SAP30L: variants seen among roughly 807,000 people sequenced by gnomAD.
SAP30L encodes SAP30 like.
SAP30L carries 10 observed loss-of-function variants against 22.3 expected under a neutral mutation model. That is an observed-to-expected ratio of 0.45 (90% CI 0.28 to 0.76). The LOEUF (loss-of-function observed/expected upper bound fraction) is 0.76, where lower values mean the gene tolerates loss of function less well. Ranked by LOEUF, SAP30L falls within the 30% of genes least tolerant of loss-of-function variation. The pLI, the probability that SAP30L is intolerant of heterozygous loss-of-function variation, is 0.14. For missense variants in SAP30L, 206 were observed against 237.9 expected (o/e 0.87, Z 0.88); for synonymous variants, 91 against 94.1 (o/e 0.97, Z 0.19).
At position 154,451,883 on chromosome 5, in the gene SAP30L, C is replaced by T. The variant is rs139731627; in HGVS notation, c.324+670C>T. On this transcript the variant is annotated intron_variant, in intron 2 of 3. Coordinates refer to ENST00000297109, the MANE Select transcript of SAP30L (RefSeq NM_024632.6). The stretch of plus-strand genomic sequence containing the variant: ...CCACCCTGAGTCATGACAATCAAAA[C>T]GTGTCTCCAGACATTGCCACACCTC... Among the ~76,000 whole-genome samples the T allele has an allele frequency of 1.9e-3, 293 of 152,276 alleles. 3 individuals are homozygous for T. The highest frequency in any genetic ancestry group is 6.5e-3 in the African/African-American group (270 of 41,538).
rs1483514236 is a variant in SAP30L at position 154,460,556 on chromosome 5, A to T, written c.*4528A>T. 1 of 152,236 alleles carries T rather than the reference A, an allele frequency of 6.6e-6. No individual in the cohort carries two copies. Among genetic ancestry groups the T allele is most frequent in the Non-Finnish European group, 1.5e-5 (1 of 68,048 alleles). The allele number at this position is 152,236 out of a possible 1,614,324, so 9.4% of individuals were successfully genotyped here. A position where few individuals can be genotyped will look rare whatever the true frequency, so the allele number is the denominator to read the frequency against. On this transcript the variant is annotated 3_prime_UTR_variant, in exon 4 of 4. Coordinates refer to ENST00000297109, the MANE Select transcript of SAP30L (RefSeq NM_024632.6). Reference sequence around the variant, plus strand: ...TCCAAGTTTATGGTTAGAAATGGTAAAGTGGGTCTGGTGTTTTGAGGTAGA... The same window carrying T: ...TCCAAGTTTATGGTTAGAAATGGTATAGTGGGTCTGGTGTTTTGAGGTAGA...
rs969442856 is a variant in SAP30L, at chr5:154,458,538, C to T, written c.*2510C>T. On this transcript the variant is annotated 3_prime_UTR_variant, in exon 4 of 4. Coordinates refer to ENST00000297109, the MANE Select transcript of SAP30L (RefSeq NM_024632.6). ...CTTGGCTGCTCCATTTTTATACCAT[C>T]CATCAAGGACTCTTGCGCTTCTCTC... 6.6e-6 allele frequency: 1 copy of T among 152,148 alleles called. No homozygotes were observed. The highest frequency in any genetic ancestry group is 2.4e-5 in the African/African-American group (1 of 41,420). 9.4% of individuals were successfully genotyped at this position (152,148 alleles called of 1,614,324 possible). A position where few individuals can be genotyped will look rare whatever the true frequency, so the allele number is the denominator to read the frequency against.
chr5:154,453,336 T>C (rs1245550984), intron 2 of SAP30L, 66 bp from the exon 3 acceptor site: 13 of 1,087,422 alleles, frequency 1.2e-5, no homozygotes, highest in Non-Finnish European at 1.7e-5. Flanking sequence ...GCTAGGCACA[T>C]AGTGGGCTCT....
chr5:154,453,668 G>T (rs913519234), intron 3 of SAP30L, among the ~76,000 whole-genome samples, 168 bp downstream of exon 3: 1 of 152,156 alleles, frequency 6.6e-6, no homozygotes, highest in African/African-American at 2.4e-5. Context: ...CTTTAGACCT[G>T]CAAAGGCCTC....
intron 1 of SAP30L, among the ~76,000 whole-genome samples, chr5:154,450,867 C>T (rs954301330): frequency 2.0e-5 from 3 of 152,162 alleles, no homozygotes; most frequent in Non-Finnish European, 4.4e-5. Context: ...CTGTCTTCAC[C>T]ATTCACTGGA....
rs1757329920 is a variant in SAP30L, at chr5:154,459,418, A to G, written c.*3390A>G. On this transcript the variant is annotated 3_prime_UTR_variant, in exon 4 of 4. Transcript: ENST00000297109. ...CTATGTTCTCTGTAATTTCCATCTT[A>G]GTCTCTGCCCCATGGGGGCCACATG... The G allele has an allele frequency of 6.6e-6, 1 of 152,242 alleles. No individual in the cohort carries two copies. Among genetic ancestry groups the G allele is most frequent in the African/African-American group, 2.4e-5 (1 of 41,454 alleles). The allele number at this position is 152,242 out of a possible 1,614,324, so 9.4% of individuals were successfully genotyped here. A position where few individuals can be genotyped will look rare whatever the true frequency, so the allele number is the denominator to read the frequency against.
At chr5:154,453,290 A>G in intron 2 of SAP30L, 112 bp from the exon 3 acceptor site, 1 of 721,286 alleles carries the variant, frequency 1.4e-6, no homozygotes, top group South Asian at 1.8e-5. Flanking sequence ...ACCTCTTTTG[A>G]AGCCCTCCCC....
chr5:154,446,464 G>T lies in SAP30L; in HGVS notation c.-141G>T, dbSNP rs954748947. On this transcript the variant is annotated 5_prime_UTR_variant, in exon 1 of 4. Coordinates refer to ENST00000297109, the MANE Select transcript of SAP30L (RefSeq NM_024632.6). Reference sequence around the variant, plus strand: ...CGAGGGAGCCGGGCCTCTCGGACGCGGGGCAGGGCAGCGCCCGGGCTGGAG... The same window carrying T: ...CGAGGGAGCCGGGCCTCTCGGACGCTGGGCAGGGCAGCGCCCGGGCTGGAG... 2.2e-5 allele frequency: 14 copies of T among 628,954 alleles called. No homozygotes were observed. Among genetic ancestry groups the T allele is most frequent in the Middle Eastern group, 4.7e-4 (1 of 2,122 alleles). 39.0% of individuals were successfully genotyped at this position (628,954 alleles called of 1,614,324 possible).
At chr5:154,453,849 C>A (rs1757205593) in intron 3 of SAP30L, among the ~76,000 whole-genome samples, 1 of 152,108 alleles carries the variant, frequency 6.6e-6, no homozygotes, top group Non-Finnish European at 1.5e-5. Flanking sequence ...TTTTTGGAGA[C>A]AAGATTTTGC....
At chr5:154,451,050 A>G (rs766843284) in intron 1 of SAP30L, 41 bp from the exon 2 acceptor site, 26 of 1,612,722 alleles carry the variant, frequency 1.6e-5, no homozygotes, top group Non-Finnish European at 2.0e-5. Context: ...GCTGTCTCCA[A>G]GGAATTGGCC....
chr5:154,449,620 A>AG, intron 1 of SAP30L, among the ~76,000 whole-genome samples: 1 of 152,196 alleles, frequency 6.6e-6, no homozygotes, highest in Non-Finnish European at 1.5e-5. Context: ...GCTTCCTCTC[A>AG]GGGATGCAGA....
chr5:154,446,699 T>C lies in SAP30L; in HGVS notation c.95T>C (p.Ile32Thr), dbSNP rs767260698. The change falls in exon 1 of 4, where the codon ATC becomes ACC. Residue 32 changes from isoleucine to threonine, a missense_variant. This residue lies in a region of SAP30L where 70 missense variants were observed against 50.5 expected (regional missense o/e 1.39). Transcript: ENST00000297109. The stretch of plus-strand genomic sequence containing the variant: ...GGCTACGGCCAGAGCTGCTGCCTCA[T>C]CGAGGACGGCGAGCGCTGCGTCCGG... ...APGYGQSCCL[I>T]EDGERCVRPA... 14 of 1,594,578 alleles carry C rather than the reference T, an allele frequency of 8.8e-6. No individual in the cohort carries two copies. Among genetic ancestry groups the C allele is most frequent in the Non-Finnish European group, 1.2e-5 (14 of 1,173,544 alleles).
At chr5:154,448,635 T>A (rs1757075699) in intron 1 of SAP30L, among the ~76,000 whole-genome samples, 1 of 152,238 alleles carries the variant, frequency 6.6e-6, no homozygotes, top group Non-Finnish European at 1.5e-5. Context: ...TCCTTTTAGA[T>A]CACTGGATGC....
rs76319463 is a variant in SAP30L, at chr5:154,452,767, C to T, written c.325-635C>T. Among the ~76,000 whole-genome samples the T allele has an allele frequency of 3.9e-3, 572 of 148,004 alleles. 14 individuals carry two copies. The East Asian group carries it at 0.06, about 16-fold the overall frequency. ...CAGCCCTCCTTTGTGCTCCTCTATC[C>T]GGTCGCTGCCTCGTTCTGGCCTATC... On this transcript the variant is annotated intron_variant, in intron 2 of 3. Coordinates refer to ENST00000297109, the MANE Select transcript of SAP30L (RefSeq NM_024632.6).
In SAP30L at chr5:154,446,401, G is replaced by T. The variant is rs1469294639; in HGVS notation, c.-204G>T. The T allele has an allele frequency of 2.4e-5, 10 of 418,020 alleles. No homozygotes were observed. The highest frequency in any genetic ancestry group is 1.9e-4 in the African/African-American group (9 of 48,392). 25.9% of individuals were successfully genotyped at this position (418,020 alleles called of 1,614,324 possible). ...GGAGCCGACCCCGGGGCCTCGAGCC[G>T]GGAGGAAGGGGGCTTCCGGAGGCGG... On this transcript the variant is annotated 5_prime_UTR_variant, in exon 1 of 4. Coordinates refer to ENST00000297109, the MANE Select transcript of SAP30L (RefSeq NM_024632.6).
intron 1 of SAP30L, among the ~76,000 whole-genome samples, chr5:154,450,396 A>G (rs753249701): frequency 3.9e-5 from 6 of 152,240 alleles, no homozygotes; most frequent in Non-Finnish European, 7.3e-5. Context: ...AAGAGTTATT[A>G]TCCTACAATA....
In SAP30L at chr5:154,458,125, C is replaced by G. The variant is rs893165410; in HGVS notation, c.*2097C>G. On this transcript the variant is annotated 3_prime_UTR_variant, in exon 4 of 4. Transcript: ENST00000297109. ...GTAGGATCCATCTGTTCAATTGTGTCTGAAAGAATCTTTATTCCAAAGCGA... is the reference window on the plus strand; with the variant it reads ...GTAGGATCCATCTGTTCAATTGTGTGTGAAAGAATCTTTATTCCAAAGCGA... The G allele has an allele frequency of 2.0e-5, 3 of 152,174 alleles. No individual in the cohort carries two copies. Among genetic ancestry groups the G allele is most frequent in the Non-Finnish European group, 4.4e-5 (3 of 68,026 alleles). 9.4% of individuals were successfully genotyped at this position (152,174 alleles called of 1,614,324 possible). A position where few individuals can be genotyped will look rare whatever the true frequency, so the allele number is the denominator to read the frequency against.
In SAP30L at chr5:154,446,190, C is replaced by A. The variant is rs1300453392; in HGVS notation, c.-415C>A. 3.8e-5 allele frequency: 6 copies of A among 156,722 alleles called. No individual in the cohort carries two copies. The highest frequency in any genetic ancestry group is 8.4e-5 in the Non-Finnish European group (6 of 71,316). 9.7% of individuals were successfully genotyped at this position (156,722 alleles called of 1,614,324 possible). A position where few individuals can be genotyped will look rare whatever the true frequency, so the allele number is the denominator to read the frequency against. ...GAGCTGCCCGGCAGCGAGTTTGCCC[C>A]GCTGCCGAAAGAAGGCGGGAGCCGG... On this transcript the variant is annotated 5_prime_UTR_variant, in exon 1 of 4. Coordinates refer to ENST00000297109, the MANE Select transcript of SAP30L (RefSeq NM_024632.6).
rs567722848 is a variant in SAP30L at position 154,458,834 on chromosome 5, A to G, written c.*2806A>G. 1 of 152,324 alleles carries G rather than the reference A, an allele frequency of 6.6e-6. No individual in the cohort carries two copies. The highest frequency in any genetic ancestry group is 6.5e-5 in the Admixed American group (1 of 15,304). The allele number at this position is 152,324 out of a possible 1,614,324, so 9.4% of individuals were successfully genotyped here. A position where few individuals can be genotyped will look rare whatever the true frequency, so the allele number is the denominator to read the frequency against. On this transcript the variant is annotated 3_prime_UTR_variant, in exon 4 of 4. Coordinates refer to ENST00000297109, the MANE Select transcript of SAP30L (RefSeq NM_024632.6). ...AGGTTGGCAACAGCATATAAAAAAAAAGATCACAGCTGAATCTCATGAAAG... is the reference window on the plus strand; with the variant it reads ...AGGTTGGCAACAGCATATAAAAAAAGAGATCACAGCTGAATCTCATGAAAG...
Sources: gnomAD v4.1 joint callset for allele counts (sites outside exome capture counted in the v4.1 genomes callset) on GRCh38, gnomAD v4.1.1 for gene constraint, gnomAD v4.1.1 regional missense constraint, MANE v1.5 for transcripts, NCBI Gene and HGNC (gene_info 2026-07-23, HGNC 2026-07-21) for gene names.